Variants in STPG2 observed in about 807,000 individuals in gnomAD.
STPG2 encodes sperm-tail PG-rich repeat-containing protein 2.
A neutral mutation model predicts 54.2 loss-of-function variants in STPG2; 56 were observed. The ratio of observed to expected loss-of-function variants is 1.03; its 90% CI spans 0.83 to 1.29. The LOEUF (loss-of-function observed/expected upper bound fraction) is 1.29, where lower values mean the gene tolerates loss of function less well. Among genes scored for constraint, STPG2 ranks in the 50% most tolerant of loss-of-function variants. The pLI, the probability that STPG2 is intolerant of heterozygous loss-of-function variation, is 0.00. For synonymous variants in STPG2, 200 were observed against 181.8 expected (o/e 1.10, Z -0.81); for missense variants, 596 against 544.9 (o/e 1.09, Z -0.93).
intron 8 of STPG2, among the ~76,000 whole-genome samples, chr4:97,917,889 G>A (rs1376580660): frequency 6.6e-6 from 1 of 151,948 alleles, no homozygotes; most frequent in African/African-American, 2.4e-5. Context: ...CCACCGTTGA[G>A]GTAGGACACT....
At chr4:97,991,349 T>C (rs956399160) in intron 5 of STPG2, among the ~76,000 whole-genome samples, 7 of 151,146 alleles carry the variant, frequency 4.6e-5, no homozygotes, top group African/African-American at 1.7e-4. Context: ...TATGTGTGTA[T>C]ATATGTGTGT....
intron 10 of STPG2, among the ~76,000 whole-genome samples, chr4:97,629,177 A>T (rs972517020): frequency 1.3e-5 from 2 of 152,032 alleles, no homozygotes; most frequent in Non-Finnish European, 2.9e-5. Context: ...AGTAATAGTA[A>T]TAGACCTTGA....
intron 5 of STPG2, among the ~76,000 whole-genome samples, chr4:97,992,198 C>T (rs1163525501): frequency 1.3e-5 from 2 of 152,022 alleles, no homozygotes; most frequent in Non-Finnish European, 2.9e-5. Context: ...AAGGGTTTTT[C>T]CAATGTTATC....
chr4:98,041,591 A>T (rs1254579192), intron 5 of STPG2, among the ~76,000 whole-genome samples: 1 of 151,854 alleles, frequency 6.6e-6, no homozygotes, highest in African/African-American at 2.4e-5. Flanking sequence ...TGAGATGATC[A>T]TATAGTTTTT....
intron 5 of STPG2, among the ~76,000 whole-genome samples, chr4:98,044,126 A>G (rs879590931): frequency 5.9e-5 from 9 of 152,092 alleles, no homozygotes; most frequent in Non-Finnish European, 1.3e-4. Flanking sequence ...CAAATTTTAC[A>G]TATATTTGTT....
chr4:97,601,913 A>G (rs1733472419), intron 10 of STPG2, among the ~76,000 whole-genome samples: 1 of 151,924 alleles, frequency 6.6e-6, no homozygotes, highest in East Asian at 1.9e-4. Context: ...ACTCATGAAC[A>G]TGGCACATTT....
intron 5 of STPG2, among the ~76,000 whole-genome samples, chr4:97,986,202 C>A (rs868204609): frequency 1.3e-5 from 2 of 152,116 alleles, no homozygotes; most frequent in Non-Finnish European, 2.9e-5. Flanking sequence ...TCAAAGTAGT[C>A]GTCTATAGTC....
At chr4:97,810,570 T>A (rs1366379186) in intron 9 of STPG2, among the ~76,000 whole-genome samples, 1 of 151,852 alleles carries the variant, frequency 6.6e-6, no homozygotes, top group Non-Finnish European at 1.5e-5. Flanking sequence ...TTCCCATGAG[T>A]CAGGCTCTGG....
At chr4:97,795,856 C>T (rs1727156226) in intron 9 of STPG2, among the ~76,000 whole-genome samples, 1 of 152,160 alleles carries the variant, frequency 6.6e-6, no homozygotes, top group Non-Finnish European at 1.5e-5. Flanking sequence ...TCCTTTCCAG[C>T]ACCTGTTGTT....
intron 9 of STPG2, among the ~76,000 whole-genome samples, chr4:97,722,660 T>A (rs1396569867): frequency 3.3e-5 from 5 of 152,152 alleles, no homozygotes; most frequent in Non-Finnish European, 7.3e-5. Flanking sequence ...TGAATTTCTA[T>A]TGAAAATAAT....
chr4:98,113,138 C>G (rs948700671), intron 3 of STPG2, among the ~76,000 whole-genome samples: 2 of 152,008 alleles, frequency 1.3e-5, no homozygotes, highest in African/African-American at 4.8e-5. Flanking sequence ...TCATCCTCCC[C>G]CTACTTTATC....
At chr4:98,120,103 T>C (rs540329496) in intron 3 of STPG2, among the ~76,000 whole-genome samples, 2 of 152,188 alleles carry the variant, frequency 1.3e-5, no homozygotes, top group Admixed American at 1.3e-4. Context: ...TTGTTTGAAA[T>C]GGAGTCTTGC....
chr4:98,027,232 T>A (rs1297068941), intron 5 of STPG2, among the ~76,000 whole-genome samples: 2 of 152,220 alleles, frequency 1.3e-5, no homozygotes, highest in African/African-American at 4.8e-5. Context: ...GGAAAGTCTC[T>A]TTTACCATGT....
chr4:97,444,397 G>T (rs1346718202), intron 4 of STPG2, among the ~76,000 whole-genome samples: 1 of 152,052 alleles, frequency 6.6e-6, no homozygotes. Context: ...AGTTGTAAAA[G>T]CAGTCAGATA....
chr4:97,547,268 T>A (rs1220481750), intron 4 of STPG2, among the ~76,000 whole-genome samples: 1 of 151,720 alleles, frequency 6.6e-6, no homozygotes, highest in Non-Finnish European at 1.5e-5. Flanking sequence ...TGGAGTGCCA[T>A]GGCACGATCT....
chr4:97,844,476 T>C (rs983096705), intron 8 of STPG2, among the ~76,000 whole-genome samples: 2 of 152,098 alleles, frequency 1.3e-5, no homozygotes, highest in African/African-American at 4.8e-5. Flanking sequence ...AATTTTTTAC[T>C]CTCAGCCTTT....
intron 9 of STPG2, among the ~76,000 whole-genome samples, chr4:97,735,689 C>G (rs2149030477): frequency 6.7e-6 from 1 of 149,724 alleles, no homozygotes; most frequent in African/African-American, 2.4e-5. Flanking sequence ...CATGTATATC[C>G]TTACAATATA....
intron 5 of STPG2, among the ~76,000 whole-genome samples, chr4:98,062,266 G>A (rs1737684929): frequency 6.6e-6 from 1 of 151,854 alleles, no homozygotes; most frequent in East Asian, 1.9e-4. Flanking sequence ...ACACAAAGAA[G>A]CAAACAACAG....
rs201052855 is a variant in STPG2 at position 98,114,759 on chromosome 4, T to TGTG, written c.388-5455_388-5454insCAC. On this transcript the variant is annotated intron_variant, in intron 3 of 10. Coordinates refer to ENST00000295268, the MANE Select transcript of STPG2 (RefSeq NM_174952.3). ...AGACCCCACAATAATATCCATTTTT[T>TGTG]TTTTTTTGTGTGTGTGTGTGTGTGT... Among the ~76,000 whole-genome samples the TGTG allele has an allele frequency of 7.9e-3, 531 of 67,566 alleles. 2 individuals are homozygous for TGTG. The highest frequency in any genetic ancestry group is 0.019 in the African/African-American group (316 of 16,982). 44.3% of individuals were successfully genotyped at this position (67,566 alleles called of 152,430 possible).
Sources: allele counts gnomAD v4.1 joint callset (sites outside exome capture counted in the v4.1 genomes callset), GRCh38; gene constraint gnomAD v4.1.1; transcripts MANE v1.5; gene names NCBI Gene and HGNC (gene_info 2026-07-23, HGNC 2026-07-21).